The following ATP2B1 variants were observed in gnomAD, a reference collection of about 807,000 sequenced individuals.
ATP2B1 encodes the protein ATPase plasma membrane Ca2+ transporting 1, also known as plasma membrane calcium-transporting ATPase 1.
Under a neutral mutation model 124.2 loss-of-function variants are expected in ATP2B1, and 14 were observed. The observed-to-expected ratio is 0.11, with a 90% CI of 0.07 to 0.18. The LOEUF (loss-of-function observed/expected upper bound fraction) is 0.18, where lower values mean the gene tolerates loss of function less well. Ranked by LOEUF, ATP2B1 falls within the 10% of genes least tolerant of loss-of-function variation. ATP2B1 has a pLI of 1.00. For synonymous variants in ATP2B1, 449 were observed against 492.4 expected, an observed-to-expected ratio of 0.91 and a Z score of 1.17; for missense variants, 763 against 1,466.1, an observed-to-expected ratio of 0.52 and a Z score of 7.83.
chr12:89,697,854 T>C (rs1263004822), intron 1 of ATP2B1, among the ~76,000 whole-genome samples: 1 of 152,024 alleles, frequency 6.6e-6, no homozygotes, highest in African/African-American at 2.4e-5. Flanking sequence ...CGCTTGCTTT[T>C]TCAGTTACAG....
intron 1 of ATP2B1, among the ~76,000 whole-genome samples, chr12:89,657,120 A>G (rs1362076425): frequency 1.3e-5 from 2 of 152,212 alleles, no homozygotes; most frequent in Non-Finnish European, 2.9e-5. Context: ...CTCATTAAAT[A>G]GCTCTGCCAC....
chr12:89,690,109 T>G (rs1465969903), intron 1 of ATP2B1, among the ~76,000 whole-genome samples: 4 of 152,106 alleles, frequency 2.6e-5, no homozygotes, highest in Non-Finnish European at 4.4e-5. Context: ...CTGTCCTATA[T>G]GCTGCTTACT....
At chr12:89,655,575 T>A (rs1295340216) in intron 2 of ATP2B1, 104 bp downstream of exon 2, 2 of 1,105,840 alleles carry the variant, frequency 1.8e-6, no homozygotes, top group Non-Finnish European at 2.7e-6. Context: ...TATAATTATG[T>A]CATAATCATA....
At chr12:89,630,363 A>G (rs2136156609) in intron 6 of ATP2B1, 142 bp downstream of exon 6, 3 of 669,498 alleles carry the variant, frequency 4.5e-6, no homozygotes, top group Non-Finnish European at 6.7e-6. Context: ...CTAAAGGCCC[A>G]TGCTATTAAG....
At chr12:89,675,949 A>G (rs748315282) in intron 1 of ATP2B1, among the ~76,000 whole-genome samples, 35 of 152,194 alleles carry the variant, frequency 2.3e-4, no homozygotes, top group Non-Finnish European at 4.0e-4. Flanking sequence ...TAACAAATCA[A>G]TTTAGACTGG....
At chr12:89,639,747 A>G (rs2136225560) in intron 3 of ATP2B1, among the ~76,000 whole-genome samples, 1 of 152,222 alleles carries the variant, frequency 6.6e-6, no homozygotes, top group East Asian at 1.9e-4. Context: ...TAATACCTGT[A>G]TCTCCTTTAA....
intron 6 of ATP2B1, among the ~76,000 whole-genome samples, chr12:89,628,383 T>C (rs1427130842): frequency 8.9e-6 from 1 of 111,960 alleles, no homozygotes; most frequent in African/African-American, 3.5e-5. Flanking sequence ...GCCTGGGGGA[T>C]AGAGTGAGAC....
chr12:89,656,281 C>T (rs1885939893), intron 1 of ATP2B1, among the ~76,000 whole-genome samples, 174 bp from the exon 2 acceptor site: 1 of 152,136 alleles, frequency 6.6e-6, no homozygotes, highest in Non-Finnish European at 1.5e-5. Context: ...GATCAAAGTA[C>T]AACTTTTAAA....
In ATP2B1 at chr12:89,635,236, G is replaced by A. The variant is rs965242753; in HGVS notation, c.422C>T (p.Ser141Phe). The A allele has an allele frequency of 6.2e-7, 1 of 1,611,884 alleles. No individual in the cohort carries two copies. The highest frequency in any genetic ancestry group is 8.5e-7 in the Non-Finnish European group (1 of 1,179,388). ...EGDNALCGEV[S>F]VGEEEGEGET... ...ACCTTCACCTTCTTCCTCCCCAACAGAAACTTCTCCACAAACTATTTGGAA... is the reference window on the plus strand; with the variant it reads ...ACCTTCACCTTCTTCCTCCCCAACAAAAACTTCTCCACAAACTATTTGGAA... Residue 141 changes from serine (S) to phenylalanine (F), a missense_variant, in exon 4 of 21, where the codon TCT becomes TTT. This residue lies in a region of ATP2B1 where 392 missense variants were observed against 776.6 expected (regional missense o/e 0.50). Transcript: ENST00000428670.
At chr12:89,699,544 C>G (rs1593014391) in intron 1 of ATP2B1, among the ~76,000 whole-genome samples, 1 of 152,010 alleles carries the variant, frequency 6.6e-6, no homozygotes, top group African/African-American at 2.4e-5. Flanking sequence ...TTGTTAAAAG[C>G]CAAATTTTCA....
chr12:89,706,235 C>T, intron 1 of ATP2B1, among the ~76,000 whole-genome samples: 1 of 152,016 alleles, frequency 6.6e-6, no homozygotes, highest in East Asian at 1.9e-4. Flanking sequence ...TACACCTGCT[C>T]GAAGTGTTCA....
At chr12:89,701,724 T>G (rs1344910381) in intron 1 of ATP2B1, among the ~76,000 whole-genome samples, 1 of 152,198 alleles carries the variant, frequency 6.6e-6, no homozygotes, top group Non-Finnish European at 1.5e-5. Context: ...TTGGTTTTTT[T>G]GTTTGGTAAA....
intron 1 of ATP2B1, among the ~76,000 whole-genome samples, chr12:89,694,205 A>G (rs1009709653): frequency 6.6e-6 from 1 of 152,238 alleles, no homozygotes; most frequent in African/African-American, 2.4e-5. Flanking sequence ...AAAGATGTGT[A>G]TCTACTAACT....
In ATP2B1 at chr12:89,655,840, T is replaced by C. The variant is rs1455238296; in HGVS notation, c.47A>G (p.Asn16Ser). Residue 16 changes from asparagine to serine, a missense_variant, in exon 2 of 21, where the codon AAC becomes AGC. This residue lies in a region of ATP2B1 where 93 missense variants were observed against 112.7 expected (regional missense o/e 0.83). Transcript: ENST00000428670. ...NNSVAYSGVKNSLKEANHDGD... is the reference protein window; with the variant it reads ...NNSVAYSGVKSSLKEANHDGD... ...ATCATGATTAGCTTCCTTCAAAGAGTTTTTCACACCACTGTAAGCAACTGA... is the reference window on the plus strand; with the variant it reads ...ATCATGATTAGCTTCCTTCAAAGAGCTTTTCACACCACTGTAAGCAACTGA... 1.2e-6 allele frequency: 2 copies of C among 1,612,972 alleles called. No individual in the cohort carries two copies. The highest frequency in any genetic ancestry group is 1.7e-6 in the Non-Finnish European group (2 of 1,179,436).
At chr12:89,676,594 G>C (rs1888636430) in intron 1 of ATP2B1, among the ~76,000 whole-genome samples, 1 of 152,010 alleles carries the variant, frequency 6.6e-6, no homozygotes, top group East Asian at 1.9e-4. Flanking sequence ...ATTTTTAAAT[G>C]AGAAGAAATA....
chr12:89,693,502 T>C (rs1890768628), intron 1 of ATP2B1, among the ~76,000 whole-genome samples: 2 of 152,200 alleles, frequency 1.3e-5, no homozygotes, highest in Admixed American at 6.6e-5. Flanking sequence ...AAATGACTAG[T>C]TTGGATGAGG....
chr12:89,629,928 C>T (rs1211425708), intron 6 of ATP2B1, among the ~76,000 whole-genome samples: 1 of 152,074 alleles, frequency 6.6e-6, no homozygotes, highest in African/African-American at 2.4e-5. Context: ...AAGATCCTTG[C>T]AGATAAATGG....
intron 1 of ATP2B1, among the ~76,000 whole-genome samples, chr12:89,662,937 A>G (rs1310911249): frequency 6.6e-6 from 1 of 152,132 alleles, no homozygotes. Flanking sequence ...GGAAGGCATT[A>G]ATTTGTTCTT....
At chr12:89,704,047 C>T (rs1019705874) in intron 1 of ATP2B1, among the ~76,000 whole-genome samples, 3 of 152,136 alleles carry the variant, frequency 2.0e-5, no homozygotes, top group Non-Finnish European at 2.9e-5. Context: ...TTTTGGATTT[C>T]AGGAACTAAA....
Sources: gnomAD v4.1 joint callset for allele counts (sites outside exome capture counted in the v4.1 genomes callset) on GRCh38, gnomAD v4.1.1 for gene constraint, gnomAD v4.1.1 regional missense constraint, MANE v1.5 for transcripts, NCBI Gene and HGNC (gene_info 2026-07-23, HGNC 2026-07-21) for gene names.